Variants in RTN1 observed in about 807,000 individuals in gnomAD.
RTN1 encodes reticulon 1.
A neutral mutation model predicts 65.5 loss-of-function variants in RTN1; 25 were observed. The ratio of observed to expected loss-of-function variants is 0.38; its 90% confidence interval spans 0.28 to 0.53. The LOEUF is 0.53. Among genes scored for constraint, RTN1 ranks in the 20% least tolerant of loss-of-function variants. RTN1 has a pLI of 0.79. For missense variants in RTN1, 983 were observed against 1,025.4 expected, an observed-to-expected ratio of 0.96 and a Z score of 0.57; for synonymous variants, 471 against 447.6, an observed-to-expected ratio of 1.05 and a Z score of -0.66.
chr14:59,662,664 C>T (rs1883276933), intron 3 of RTN1, among the ~76,000 whole-genome samples: 2 of 152,080 alleles, frequency 1.3e-5, no homozygotes. Context: ...CTCCCATTCA[C>T]AATTGCTACA....
At chr14:59,641,104 A>G (rs937308538) in intron 3 of RTN1, among the ~76,000 whole-genome samples, 1 of 152,024 alleles carries the variant, frequency 6.6e-6, no homozygotes, top group African/African-American at 2.4e-5. Context: ...GACTACAGGC[A>G]TGTGCCACCG....
chr14:59,731,335 G>A (rs1484856014), intron 2 of RTN1, among the ~76,000 whole-genome samples: 1 of 152,150 alleles, frequency 6.6e-6, no homozygotes, highest in Non-Finnish European at 1.5e-5. Context: ...GTAGTTATGG[G>A]GAGTGGGGAG....
At chr14:59,737,123 C>T (rs1465254372) in intron 2 of RTN1, among the ~76,000 whole-genome samples, 1 of 152,192 alleles carries the variant, frequency 6.6e-6, no homozygotes, top group Non-Finnish European at 1.5e-5. Context: ...GATGCCCTCT[C>T]TCACCACTCC....
Position 59,846,405 on chromosome 14 carries a change from T to G in RTN1, c.241+23985A>C, listed in dbSNP as rs1057148107. 6.6e-6 allele frequency among the ~76,000 whole-genome samples: 1 copy of G among 152,134 alleles called. No individual in the cohort carries two copies. Among genetic ancestry groups the G allele is most frequent in the African/African-American group, 2.4e-5 (1 of 41,434 alleles). On this transcript the variant is annotated intron_variant, in intron 1 of 8. Transcript: ENST00000267484. This position sits in a 1 kb window ranked among gnomAD's most constrained non-coding sequence, Gnocchi z 4.8. Reference sequence around the variant, plus strand: ...GCCACAGCCCATGGATCAGAGTTGATGTATGCACACGTGTGTACACACACA... The same window carrying G: ...GCCACAGCCCATGGATCAGAGTTGAGGTATGCACACGTGTGTACACACACA...
chr14:59,673,638 G>A (rs1883559064), intron 3 of RTN1, among the ~76,000 whole-genome samples: 1 of 152,160 alleles, frequency 6.6e-6, no homozygotes, highest in Non-Finnish European at 1.5e-5. Context: ...TGGTCCATGG[G>A]TGGTCTTTGG....
At chr14:59,847,099 C>T (rs1374007423) in intron 1 of RTN1, among the ~76,000 whole-genome samples, 1 of 152,180 alleles carries the variant, frequency 6.6e-6, no homozygotes, top group Non-Finnish European at 1.5e-5. Context: ...ACTTCCAGAA[C>T]CTTTTCCAGT....
At chr14:59,809,154 GAGA>G (rs1485073652) in intron 1 of RTN1, among the ~76,000 whole-genome samples, 2 of 152,064 alleles carry the variant, frequency 1.3e-5, no homozygotes, top group Admixed American at 6.6e-5. Context: ...AAAATGCTCT[GAGA>G]AGAACACTTG....
intron 1 of RTN1, among the ~76,000 whole-genome samples, chr14:59,869,994 C>G (rs952932349): frequency 6.6e-6 from 1 of 152,164 alleles, no homozygotes; most frequent in Non-Finnish European, 1.5e-5. Flanking sequence ...GGCGCGCACA[C>G]TGCGCGCAAA....
rs190685476 is a variant in RTN1 at position 59,829,120 on chromosome 14, C to G, written c.241+41270G>C. Among the ~76,000 whole-genome samples the G allele has an allele frequency of 5.3e-5, 8 of 152,280 alleles. No individual in the cohort carries two copies. The highest frequency in any genetic ancestry group is 1.9e-4 in the African/African-American group (8 of 41,548). On this transcript the variant is annotated intron_variant, in intron 1 of 8. Coordinates refer to ENST00000267484, the MANE Select transcript of RTN1 (RefSeq NM_021136.3). The surrounding 1 kb of genome is among the most constrained non-coding windows in gnomAD (Gnocchi z 4.3). ...AGCTGCTTACTTCCCATCATTTATA[C>G]TTAAAAGGCAACTACACAGCAATAC...
chr14:59,795,565 A>G (rs757908802), intron 1 of RTN1, among the ~76,000 whole-genome samples: 3 of 152,148 alleles, frequency 2.0e-5, no homozygotes, highest in Non-Finnish European at 2.9e-5. Flanking sequence ...AAAAATTAAA[A>G]ATCAAAATAT....
chr14:59,760,871 T>A (rs1885734383), intron 1 of RTN1, among the ~76,000 whole-genome samples: 1 of 152,222 alleles, frequency 6.6e-6, no homozygotes, highest in Admixed American at 6.5e-5. Flanking sequence ...GAGAATACAC[T>A]GTAGTTCATC....
chr14:59,745,614 T>C, intron 2 of RTN1, 94 bp downstream of exon 2: 1 of 1,102,600 alleles, frequency 9.1e-7, no homozygotes, highest in Non-Finnish European at 1.3e-6. Context: ...GTAAAGTATG[T>C]TGAATGAAAA....
intron 3 of RTN1, among the ~76,000 whole-genome samples, chr14:59,704,698 A>C (rs1027868316): frequency 6.6e-6 from 1 of 152,318 alleles, no homozygotes; most frequent in African/African-American, 2.4e-5. Context: ...GAGAGCAGAG[A>C]GGAGAGAAGG....
At chr14:59,762,526 G>T (rs1316029182) in intron 1 of RTN1, among the ~76,000 whole-genome samples, 1 of 152,092 alleles carries the variant, frequency 6.6e-6, no homozygotes, top group Non-Finnish European at 1.5e-5. Context: ...TCAGATTTAG[G>T]GCAATATGAC....
intron 3 of RTN1, among the ~76,000 whole-genome samples, chr14:59,678,902 G>A (rs1453785917): frequency 6.6e-6 from 1 of 152,192 alleles, no homozygotes; most frequent in East Asian, 1.9e-4. Flanking sequence ...ATTTTTAACA[G>A]GCTATCCAGG....
rs1222092396 is a variant in RTN1, at chr14:59,625,654, G to A, written c.1766-18162C>T. ...ATAATATTCAGCAAATCTTAACAAC[G>A]ATTAACTCTGGGTGGTAGGATTTTG... On this transcript the variant is annotated intron_variant, in intron 3 of 8. Transcript: ENST00000267484. Among the ~76,000 whole-genome samples the A allele has an allele frequency of 8.6e-5, 13 of 151,822 alleles. 2 individuals carry two copies. The highest frequency in any genetic ancestry group is 8.5e-4 in the Admixed American group (13 of 15,234).
chr14:59,816,709 G>A lies in RTN1; in HGVS notation c.241+53681C>T, dbSNP rs1250169993. Among the ~76,000 whole-genome samples, 4 of 152,236 alleles carry A rather than the reference G, an allele frequency of 2.6e-5. No individual in the cohort carries two copies. The highest frequency in any genetic ancestry group is 9.6e-5 in the African/African-American group (4 of 41,550). On this transcript the variant is annotated intron_variant, in intron 1 of 8. Transcript: ENST00000267484. This position sits in a 1 kb window ranked among gnomAD's most constrained non-coding sequence, Gnocchi z 4.3. ...AGCACTTTAGGAGGCCGAGGCTGGC[G>A]AATCACTTGAGTCCACGAGTTCAAG...
At chr14:59,733,882 C>T (rs1884952598) in intron 2 of RTN1, among the ~76,000 whole-genome samples, 1 of 152,184 alleles carries the variant, frequency 6.6e-6, no homozygotes, top group Non-Finnish European at 1.5e-5. Context: ...TACCAAAAAG[C>T]AGCCAGACTG....
In RTN1 at chr14:59,868,419, C is replaced by A. The variant is rs1034088766; in HGVS notation, c.241+1971G>T. Among the ~76,000 whole-genome samples, 1 of 152,144 alleles carries A rather than the reference C, an allele frequency of 6.6e-6. No homozygotes were observed. The highest frequency in any genetic ancestry group is 1.5e-5 in the Non-Finnish European group (1 of 68,024). On this transcript the variant is annotated intron_variant, in intron 1 of 8. Coordinates refer to ENST00000267484, the MANE Select transcript of RTN1 (RefSeq NM_021136.3). This position sits in a 1 kb window ranked among gnomAD's most constrained non-coding sequence, Gnocchi z 4.0. ...GTTGCCTAGGATAGAAAACCCCAAACACATTCAATAAAGCAAGGTATTTCT... is the reference window on the plus strand; with the variant it reads ...GTTGCCTAGGATAGAAAACCCCAAAAACATTCAATAAAGCAAGGTATTTCT...
Sources: gnomAD v4.1 joint callset for allele counts (sites outside exome capture counted in the v4.1 genomes callset) on GRCh38, gnomAD v4.1.1 for gene constraint, Gnocchi (gnomAD v3.1) non-coding constraint, MANE v1.5 for transcripts, NCBI Gene and HGNC (gene_info 2026-07-23, HGNC 2026-07-21) for gene names.